SLC35F1: variants seen among roughly 807,000 people sequenced by gnomAD.
The protein encoded by SLC35F1 is chromosome 6 open reading frame 169.
In SLC35F1, 14 loss-of-function variants were observed where a neutral mutation model predicts 48.7. The observed-to-expected ratio is 0.29, with a 90% CI of 0.19 to 0.45. The LOEUF is 0.45. Among genes scored for constraint, SLC35F1 ranks in the 20% least tolerant of loss-of-function variants. The pLI is 1.00. For synonymous variants in SLC35F1, 190 were observed against 202.2 expected (o/e 0.94, Z 0.51); for missense variants, 404 against 500.0 (o/e 0.81, Z 1.83).
At chr6:117,970,783 G>T (rs775135371) in intron 1 of SLC35F1, among the ~76,000 whole-genome samples, 2 of 152,134 alleles carry the variant, frequency 1.3e-5, no homozygotes, top group Non-Finnish European at 2.9e-5. Context: ...CTTATTCACT[G>T]TCACAAGAAC....
rs1964949 is a variant in SLC35F1, at chr6:118,230,108, A to G, written c.350-5401A>G. 6.1e-3 allele frequency among the ~76,000 whole-genome samples: 935 copies of G among 152,264 alleles called. 5 individuals are homozygous for G. The highest frequency in any genetic ancestry group is 0.03 in the East Asian group (154 of 5,174). ...TGTAATCCCAGCACTTTGGGAGGCC[A>G]TGGTGGGCCGATCACAAGGTCAGGA... On this transcript the variant is annotated intron_variant, in intron 2 of 7. Coordinates refer to ENST00000360388, the MANE Select transcript of SLC35F1 (RefSeq NM_001029858.4).
At chr6:118,103,093 C>T (rs905267299) in intron 1 of SLC35F1, among the ~76,000 whole-genome samples, 14 of 152,078 alleles carry the variant, frequency 9.2e-5, no homozygotes, top group African/African-American at 2.4e-4. Flanking sequence ...CAGGTGCCCC[C>T]TCCCAAGAAT....
chr6:118,070,283 T>C (rs926311141), intron 1 of SLC35F1, among the ~76,000 whole-genome samples: 2 of 151,862 alleles, frequency 1.3e-5, no homozygotes, highest in Non-Finnish European at 2.9e-5. Flanking sequence ...GAGGTAAAAC[T>C]TAAATTTTAG....
chr6:118,257,201 T>C (rs1444177878), intron 3 of SLC35F1, among the ~76,000 whole-genome samples: 1 of 152,062 alleles, frequency 6.6e-6, no homozygotes, highest in Non-Finnish European at 1.5e-5. Flanking sequence ...CATCTTTCCA[T>C]TCCCTACTTG....
intron 1 of SLC35F1, among the ~76,000 whole-genome samples, chr6:117,958,016 T>C (rs1014888306): frequency 3.2e-4 from 48 of 152,218 alleles, no homozygotes; most frequent in Non-Finnish European, 5.9e-5. Flanking sequence ...ATGAGTGTTA[T>C]TGCCTGTGAA....
intron 1 of SLC35F1, among the ~76,000 whole-genome samples, chr6:118,003,057 G>T (rs1337444392): frequency 6.6e-6 from 1 of 152,102 alleles, no homozygotes; most frequent in Non-Finnish European, 1.5e-5. Context: ...TACATATATT[G>T]CACTACTTAT....
intron 1 of SLC35F1, among the ~76,000 whole-genome samples, chr6:118,052,117 C>A (rs901924507): frequency 6.6e-6 from 1 of 152,042 alleles, no homozygotes; most frequent in Non-Finnish European, 1.5e-5. Flanking sequence ...GGCTGTTAGT[C>A]CAGTAGAGAA....
intron 2 of SLC35F1, among the ~76,000 whole-genome samples, chr6:118,235,092 G>A (rs1775345155): frequency 6.6e-6 from 1 of 152,020 alleles, no homozygotes; most frequent in South Asian, 2.1e-4. Context: ...CCAAGCACAA[G>A]CCTTTTTCTG....
intron 2 of SLC35F1, 138 bp from the exon 3 acceptor site, chr6:118,235,371 C>A: frequency 1.1e-6 from 1 of 880,916 alleles, no homozygotes; most frequent in Non-Finnish European, 1.7e-6. Context: ...GTATCTGATA[C>A]GTTGATTTAT....
chr6:118,269,010 T>C (rs1044847013), intron 4 of SLC35F1, among the ~76,000 whole-genome samples: 4 of 152,182 alleles, frequency 2.6e-5, no homozygotes, highest in Non-Finnish European at 4.4e-5. Context: ...TCTATCTTCA[T>C]GAACCCCAGC....
chr6:118,232,402 G>C (rs962819536), intron 2 of SLC35F1, among the ~76,000 whole-genome samples: 2 of 151,938 alleles, frequency 1.3e-5, no homozygotes, highest in Non-Finnish European at 2.9e-5. Context: ...TACAAAATTA[G>C]CTGGGCGTGG....
chr6:118,098,727 T>C (rs1456393839), intron 1 of SLC35F1, among the ~76,000 whole-genome samples: 1 of 152,204 alleles, frequency 6.6e-6, no homozygotes, highest in African/African-American at 2.4e-5. Flanking sequence ...TTATGTGCCT[T>C]TGGGTAAGAT....
At chr6:118,064,651 G>C (rs1242557836) in intron 1 of SLC35F1, among the ~76,000 whole-genome samples, 1 of 152,152 alleles carries the variant, frequency 6.6e-6, no homozygotes, top group Non-Finnish European at 1.5e-5. Context: ...CAGAGACTTA[G>C]GGTGCTTAGA....
At chr6:117,925,565 G>T (rs957946455) in intron 1 of SLC35F1, among the ~76,000 whole-genome samples, 8 of 152,152 alleles carry the variant, frequency 5.3e-5, no homozygotes, top group African/African-American at 1.7e-4. Context: ...GCCAGGTTTA[G>T]TTGGGGTTTG....
chr6:118,148,903 T>A (rs951450235), intron 1 of SLC35F1, among the ~76,000 whole-genome samples: 1 of 152,182 alleles, frequency 6.6e-6, no homozygotes, highest in African/African-American at 2.4e-5. Context: ...CAACATGATT[T>A]TTGTCTTTCA....
chr6:117,946,120 C>A (rs539126265), intron 1 of SLC35F1, among the ~76,000 whole-genome samples: 21 of 152,294 alleles, frequency 1.4e-4, no homozygotes, highest in African/African-American at 3.6e-4. Context: ...CCCTGTGGCA[C>A]TCATTTTCCT....
At chr6:117,991,481 A>G (rs1470073823) in intron 1 of SLC35F1, among the ~76,000 whole-genome samples, 1 of 152,128 alleles carries the variant, frequency 6.6e-6, no homozygotes, top group Non-Finnish European at 1.5e-5. Flanking sequence ...AGTTTTTTTA[A>G]ATCTTGATTT....
intron 2 of SLC35F1, among the ~76,000 whole-genome samples, chr6:118,163,294 C>A (rs1330960299): frequency 6.6e-6 from 1 of 152,032 alleles, no homozygotes; most frequent in Non-Finnish European, 1.5e-5. Flanking sequence ...AGAGTGATAT[C>A]TTACATAGAA....
At chr6:118,023,702 C>T (rs1019771244) in intron 1 of SLC35F1, among the ~76,000 whole-genome samples, 3 of 152,056 alleles carry the variant, frequency 2.0e-5, no homozygotes, top group Non-Finnish European at 4.4e-5. Context: ...TGGGTGAGTT[C>T]CCAAGCCATA....
Sources: gnomAD v4.1 joint callset for allele counts (sites outside exome capture counted in the v4.1 genomes callset) on GRCh38, gnomAD v4.1.1 for gene constraint, MANE v1.5 for transcripts, NCBI Gene and HGNC (gene_info 2026-07-23, HGNC 2026-07-21) for gene names.